The following CNTNAP5 variants were observed in gnomAD, a reference collection of about 807,000 sequenced individuals.
The protein encoded by CNTNAP5 is contactin-associated protein-like 5.
A neutral mutation model predicts 150.2 loss-of-function variants in CNTNAP5; 72 were observed. The observed-to-expected ratio is 0.48, with a 90% CI of 0.40 to 0.58. The LOEUF (loss-of-function observed/expected upper bound fraction) is 0.58, where lower values mean the gene tolerates loss of function less well. Ranked by LOEUF, CNTNAP5 falls within the 20% of genes least tolerant of loss-of-function variation. The pLI, the probability that CNTNAP5 is intolerant of heterozygous loss-of-function variation, is 0.00. For synonymous variants in CNTNAP5, 672 were observed against 619.8 expected, an observed-to-expected ratio of 1.08 and a Z score of -1.25; for missense variants, 1,636 against 1,626.2, an observed-to-expected ratio of 1.01 and a Z score of -0.10.
chr2:124,186,076 G>C (rs752939325), intron 1 of CNTNAP5, among the ~76,000 whole-genome samples: 14 of 152,166 alleles, frequency 9.2e-5, no homozygotes, highest in Non-Finnish European at 1.8e-4. Context: ...CGGAGGATTT[G>C]CTAAAACACA....
At chr2:124,272,406 T>TAC (rs1391905625) in intron 3 of CNTNAP5, among the ~76,000 whole-genome samples, 1 of 152,196 alleles carries the variant, frequency 6.6e-6, no homozygotes, top group Non-Finnish European at 1.5e-5. Context: ...GGCATATATA[T>TAC]ACCAGACATT....
intron 19 of CNTNAP5, among the ~76,000 whole-genome samples, chr2:124,848,878 T>C (rs766470915): frequency 1.3e-5 from 2 of 152,224 alleles, no homozygotes; most frequent in Non-Finnish European, 2.9e-5. Context: ...TCTTTATATA[T>C]TTTGGATATT....
chr2:124,441,014 A>G (rs765372242), intron 5 of CNTNAP5, among the ~76,000 whole-genome samples: 3 of 152,018 alleles, frequency 2.0e-5, no homozygotes, highest in Non-Finnish European at 2.9e-5. Context: ...AAAATGAAAC[A>G]TTTCTGAGGA....
intron 7 of CNTNAP5, among the ~76,000 whole-genome samples, chr2:124,489,911 A>G (rs932328458): frequency 1.3e-5 from 2 of 152,176 alleles, no homozygotes; most frequent in African/African-American, 4.8e-5. Flanking sequence ...GCCATGCCTT[A>G]TAGGTCTGAC....
At chr2:124,455,245 A>C (rs1206550354) in intron 6 of CNTNAP5, among the ~76,000 whole-genome samples, 1 of 152,158 alleles carries the variant, frequency 6.6e-6, no homozygotes, top group Non-Finnish European at 1.5e-5. Flanking sequence ...AGAGATACAA[A>C]AGATCATTAA....
At chr2:124,415,120 C>A (rs920250286) in intron 3 of CNTNAP5, among the ~76,000 whole-genome samples, 3 of 152,176 alleles carry the variant, frequency 2.0e-5, no homozygotes, top group African/African-American at 7.2e-5. Flanking sequence ...CATACCTGTG[C>A]CAGATGCTAG....
chr2:124,140,073 T>A (rs1268977182), intron 1 of CNTNAP5, among the ~76,000 whole-genome samples: 1 of 151,902 alleles, frequency 6.6e-6, no homozygotes, highest in East Asian at 2.0e-4. Flanking sequence ...ATATTGCGCT[T>A]TTCAGACCGG....
At chr2:124,583,625 C>G (rs1000232409) in intron 11 of CNTNAP5, among the ~76,000 whole-genome samples, 1 of 152,212 alleles carries the variant, frequency 6.6e-6, no homozygotes, top group Non-Finnish European at 1.5e-5. Flanking sequence ...CTGTATATTT[C>G]GACTTAGGGG....
intron 17 of CNTNAP5, among the ~76,000 whole-genome samples, chr2:124,778,211 AC>A (rs1681369718): frequency 6.6e-6 from 1 of 152,086 alleles, no homozygotes; most frequent in Admixed American, 6.6e-5. Flanking sequence ...AAAAGAGCAA[AC>A]CAGAGAGGTG....
intron 3 of CNTNAP5, among the ~76,000 whole-genome samples, chr2:124,284,373 G>T (rs1438655306): frequency 6.6e-6 from 1 of 152,082 alleles, no homozygotes; most frequent in East Asian, 1.9e-4. Flanking sequence ...AAGAGTTGGG[G>T]TTTCCTAGGG....
chr2:124,639,584 A>G (rs1012524500), intron 12 of CNTNAP5, among the ~76,000 whole-genome samples: 5 of 152,112 alleles, frequency 3.3e-5, no homozygotes, highest in African/African-American at 1.2e-4. Context: ...TCTGAGTTCA[A>G]TACTGGCTAC....
chr2:124,790,063 G>C lies in CNTNAP5; in HGVS notation c.2914G>C (p.Gly972Arg). 2 of 1,613,892 alleles carry C rather than the reference G, an allele frequency of 1.2e-6. No homozygotes were observed. Reference protein sequence around the residue: ...SSYGSICHNGGKCVEKHNGYL... With the variant: ...SSYGSICHNGRKCVEKHNGYL... ...CTACGGCAGCATCTGCCACAACGGG[G>C]GCAAGTGTGTGGAGAAGCACAATGG... Residue 972 changes from glycine (G) to arginine (R), a missense_variant, in exon 18 of 24, where the codon GGC (glycine) becomes CGC (arginine). Gly to Arg is a moderately radical substitution (Grantham distance 125, BLOSUM62 -2). Coordinates refer to ENST00000682447, the MANE Select transcript of CNTNAP5 (RefSeq NM_001367498.1).
intron 3 of CNTNAP5, among the ~76,000 whole-genome samples, chr2:124,316,267 T>A (rs1688957408): frequency 6.6e-6 from 1 of 152,122 alleles, no homozygotes; most frequent in African/African-American, 2.4e-5. Context: ...CTGCTGGGTG[T>A]TACAAAAGAG....
rs1681401976 is a variant in CNTNAP5, at chr2:124,779,445, C to T, written c.2752+6428C>T. On this transcript the variant is annotated intron_variant, in intron 17 of 23. Coordinates refer to ENST00000682447, the MANE Select transcript of CNTNAP5 (RefSeq NM_001367498.1). ...ATATCCTGTACCCTTAACTCCATCA[C>T]AGAACTTGCTTTCTGGTGAACCCAA... Among the ~76,000 whole-genome samples the T allele has an allele frequency of 3.3e-5, 5 of 152,288 alleles. No homozygotes were observed. In the South Asian group the frequency reaches 1.0e-3, roughly 32 times the overall value.
chr2:124,296,002 TC>T (rs1346207704), intron 3 of CNTNAP5, among the ~76,000 whole-genome samples: 1 of 152,242 alleles, frequency 6.6e-6, no homozygotes, highest in African/African-American at 2.4e-5. Context: ...GTTTGCATAT[TC>T]AATGAAGAAA....
At chr2:124,486,147 G>T (rs1847429) in intron 7 of CNTNAP5, among the ~76,000 whole-genome samples, 129,283 of 152,246 alleles carry the variant, frequency 0.85, 55,072 homozygotes, top group East Asian at 1. Flanking sequence ...ATAATGGCAT[G>T]TGGAGAAACC....
At chr2:124,628,388 A>G (rs72845007) in intron 12 of CNTNAP5, among the ~76,000 whole-genome samples, 3,234 of 152,356 alleles carry the variant, frequency 0.021, 44 homozygotes, top group Middle Eastern at 0.037. Flanking sequence ...TGTACAAACC[A>G]GAAGAGCTTG....
intron 21 of CNTNAP5, among the ~76,000 whole-genome samples, chr2:124,891,637 G>C (rs1678196502): frequency 6.6e-6 from 1 of 152,052 alleles, no homozygotes; most frequent in Non-Finnish European, 1.5e-5. Flanking sequence ...TGTTCTAAAG[G>C]GGAAACTGTG....
rs1279294180 is a variant in CNTNAP5 at position 124,789,979 on chromosome 2, G to A, written c.2830G>A (p.Glu944Lys). The change falls in exon 18 of 24, where the codon GAA becomes AAA. Residue 944 changes from glutamate (E) to lysine (K), a missense_variant. Transcript: ENST00000682447. ...CTTGAATGGACAGAAAATGGACCTG[G>A]AAGAGAGGGCAAAGGTCACATCTGG... ...LHLNGQKMDL[E>K]ERAKVTSGVR... 6 of 1,613,942 alleles carry A rather than the reference G, an allele frequency of 3.7e-6. No individual in the cohort carries two copies. In the South Asian group the frequency reaches 5.5e-5, roughly 15 times the overall value.
Sources: allele counts gnomAD v4.1 joint callset (sites outside exome capture counted in the v4.1 genomes callset), GRCh38; gene constraint gnomAD v4.1.1; transcripts MANE v1.5; gene names NCBI Gene and HGNC (gene_info 2026-07-23, HGNC 2026-07-21).